The following TMEM127 variants were observed in gnomAD, a reference collection of about 807,000 sequenced individuals.
The protein encoded by TMEM127 is transmembrane protein 127.
TMEM127 carries 21 observed loss-of-function variants against 20.1 expected under a neutral mutation model. The ratio of observed to expected loss-of-function variants is 1.04; its 90% CI spans 0.74 to 1.50. The LOEUF is 1.50. Ranked by LOEUF, TMEM127 falls within the 40% of genes most tolerant of loss-of-function variation. TMEM127 has a pLI of 0.00. For missense variants in TMEM127, 303 were observed against 317.4 expected (o/e 0.95, Z 0.34); for synonymous variants, 150 against 144.7 (o/e 1.04, Z -0.26).
At chr2:96,263,015 T>C (rs938695527) in intron 2 of TMEM127, among the ~76,000 whole-genome samples, 4 of 151,346 alleles carry the variant, frequency 2.6e-5, no homozygotes, top group African/African-American at 9.7e-5. Flanking sequence ...TAAATACACA[T>C]GTGAACAAAG....
rs1450731773 is a variant in TMEM127, at chr2:96,252,636, GAC to G, written c.*1170_*1171del. On this transcript the variant is annotated 3_prime_UTR_variant, in exon 4 of 4. Coordinates refer to ENST00000258439, the MANE Select transcript of TMEM127 (RefSeq NM_017849.4). The surrounding 1 kb of genome is among the most constrained non-coding windows in gnomAD (Gnocchi z 4.2). ...AGGACACAGCCCGGCCTGCTGGGCT[GAC>G]AGTGTGGGTCTGATGCCTCACATGA... 4.3e-6 allele frequency: 1 copy of G among 233,818 alleles called. No individual in the cohort carries two copies. The highest frequency in any genetic ancestry group is 2.2e-5 in the African/African-American group (1 of 45,360). 14.5% of individuals were successfully genotyped at this position (233,818 alleles called of 1,614,324 possible).
At chr2:96,265,570 G>T in intron 1 of TMEM127, 58 bp from the exon 2 acceptor site, 1 of 671,170 alleles carries the variant, frequency 1.5e-6, no homozygotes, top group Non-Finnish European at 2.1e-6. Flanking sequence ...CGGAGACGGG[G>T]AGGGCTGCGG....
At position 96,250,665 on chromosome 2, in the gene TMEM127, T is replaced by G; in HGVS notation, c.*3143A>C. The G allele has an allele frequency of 4.3e-6, 1 of 233,102 alleles. No homozygotes were observed. Among genetic ancestry groups the G allele is most frequent in the Non-Finnish European group, 8.5e-6 (1 of 117,938 alleles). The allele number at this position is 233,102 out of a possible 1,614,324, so 14.4% of individuals were successfully genotyped here. On this transcript the variant is annotated 3_prime_UTR_variant, in exon 4 of 4. Coordinates refer to ENST00000258439, the MANE Select transcript of TMEM127 (RefSeq NM_017849.4). Reference sequence around the variant, plus strand: ...AGAGCCCTCAGCTCTTTTACCGTGATGCACACTCGGGGCTGGGTGTAGGCT... The same window carrying G: ...AGAGCCCTCAGCTCTTTTACCGTGAGGCACACTCGGGGCTGGGTGTAGGCT...
In TMEM127 at chr2:96,254,902, C is replaced by A. The variant is rs1684170746; in HGVS notation, c.340G>T (p.Asp114Tyr). The A allele has an allele frequency of 1.9e-6, 3 of 1,614,034 alleles. No homozygotes were observed. The highest frequency in any genetic ancestry group is 2.5e-6 in the Non-Finnish European group (3 of 1,179,978). The change falls in exon 3 of 4, where the codon GAT becomes TAT. Residue 114 changes from aspartate (D) to tyrosine (Y), a missense_variant. By Grantham distance (160) the Asp-to-Tyr change is radical (BLOSUM62 -3). Transcript: ENST00000258439. ...GCAGGATGCTTCGGCCCAAAGACAT[C>A]CAGAAGGAAAGCGGAGAGACTACAC... ...ILCSLSAFLL[D>Y]VFGPKHPALK...
At chr2:96,257,331 G>A (rs1255195708) in intron 2 of TMEM127, among the ~76,000 whole-genome samples, 4 of 151,898 alleles carry the variant, frequency 2.6e-5, no homozygotes, top group Admixed American at 6.6e-5. Context: ...CCGTGGTGGC[G>A]CGCGCCTGTA....
At chr2:96,255,891 G>A (rs1377821469) in intron 2 of TMEM127, among the ~76,000 whole-genome samples, 2 of 151,938 alleles carry the variant, frequency 1.3e-5, no homozygotes, top group Admixed American at 6.6e-5. Flanking sequence ...GAGGCAAGAG[G>A]ACTGCTTGCG....
Position 96,253,638 on chromosome 2 carries a change from A to C in TMEM127, c.*170T>G. 1.4e-6 allele frequency: 1 copy of C among 692,520 alleles called. No individual in the cohort carries two copies. The highest frequency in any genetic ancestry group is 2.4e-6 in the Non-Finnish European group (1 of 420,982). The allele number at this position is 692,520 out of a possible 1,614,324, so 42.9% of individuals were successfully genotyped here. On this transcript the variant is annotated 3_prime_UTR_variant, in exon 4 of 4. Transcript: ENST00000258439. This position sits in a 1 kb window ranked among gnomAD's most constrained non-coding sequence, Gnocchi z 4.3. The stretch of plus-strand genomic sequence containing the variant: ...AAACCAGTGGACCTCCGGTTCTGAG[A>C]GCAGGGATACTTGGATGACCCTAAA...
intron 2 of TMEM127, among the ~76,000 whole-genome samples, chr2:96,264,191 A>G (rs1684366859): frequency 1.3e-5 from 2 of 152,306 alleles, no homozygotes; most frequent in South Asian, 4.2e-4. Flanking sequence ...CACAGCGGGG[A>G]ACTTGGACCT....
chr2:96,264,311 G>A (rs1684369174), intron 2 of TMEM127, among the ~76,000 whole-genome samples: 1 of 152,166 alleles, frequency 6.6e-6, no homozygotes, highest in African/African-American at 2.4e-5. Flanking sequence ...TCACAGCCAG[G>A]GAATAGCACA....
At chr2:96,264,108 G>A (rs910368213) in intron 2 of TMEM127, among the ~76,000 whole-genome samples, 1 of 152,212 alleles carries the variant, frequency 6.6e-6, no homozygotes, top group South Asian at 2.1e-4. Flanking sequence ...AGAACACTCA[G>A]AGAAAGGCAA....
In TMEM127 at chr2:96,248,917, C is replaced by A. The variant is rs931733776; in HGVS notation, c.*4891G>T. On this transcript the variant is annotated 3_prime_UTR_variant, in exon 4 of 4. Coordinates refer to ENST00000258439, the MANE Select transcript of TMEM127 (RefSeq NM_017849.4). ...CCCTCATCTTGTACATCTTATGAAG[C>A]CCCTTACCACCCACTGTGTTGCTGT... The A allele has an allele frequency of 3.0e-5, 7 of 232,422 alleles. No homozygotes were observed. In the Admixed American group the frequency reaches 3.4e-4, roughly 11 times the overall value. The allele number at this position is 232,422 out of a possible 1,614,324, so 14.4% of individuals were successfully genotyped here.
rs377740271 is a variant in TMEM127, at chr2:96,265,329, G to A, written c.53C>T (p.Pro18Leu). 2.7e-4 allele frequency: 415 copies of A among 1,520,940 alleles called. 2 individuals carry two copies. In the East Asian group the frequency reaches 6.6e-3, roughly 24 times the overall value. The allele number at this position is 1,520,940 out of a possible 1,614,324, so 94.2% of individuals were successfully genotyped here. A position where few individuals can be genotyped will look rare whatever the true frequency, so the allele number is the denominator to read the frequency against. The change falls in exon 2 of 4, where the codon CCG becomes CTG. Residue 18 changes from proline (P) to leucine (L), a missense_variant. Pro to Leu is a moderately conservative substitution (Grantham distance 98). Transcript: ENST00000258439. ...CTGCTTGGGCAGAGCGCTGCCTCCC[G>A]GGCTCCTCCGCCGGCGCCCGCCGGG... ...GLPGGRRRRS[P>L]GGSALPKQPE...
chr2:96,264,502 G>T (rs1446461009), intron 2 of TMEM127, among the ~76,000 whole-genome samples: 1 of 152,184 alleles, frequency 6.6e-6, no homozygotes, highest in Non-Finnish European at 1.5e-5. Context: ...ACAAGAATGG[G>T]CAGGATAAAC....
rs764012422 is a variant in TMEM127 at position 96,253,969 on chromosome 2, C to G, written c.556G>C (p.Ala186Pro). The change falls in exon 4 of 4, where the codon GCC (alanine) becomes CCC (proline). Residue 186 changes from alanine to proline, a missense_variant. Ala to Pro is a conservative substitution (Grantham distance 27). Coordinates refer to ENST00000258439, the MANE Select transcript of TMEM127 (RefSeq NM_017849.4). This position sits in a 1 kb window ranked among gnomAD's most constrained non-coding sequence, Gnocchi z 4.3. ...TTGGCTGCCGTGGCCAGGATTGAGG[C>G]TCCACCAGCTCCTGCCACCAGGTAG... ...SFYLVAGAGG[A>P]SILATAANLL... 1 of 1,614,044 alleles carries G rather than the reference C, an allele frequency of 6.2e-7. No homozygotes were observed. Among genetic ancestry groups the G allele is most frequent in the Non-Finnish European group, 8.5e-7 (1 of 1,180,028 alleles).
rs1684082484 is a variant in TMEM127, at chr2:96,251,299, C to A, written c.*2509G>T. 4 of 198,878 alleles carry A rather than the reference C, an allele frequency of 2.0e-5. No homozygotes were observed. In the South Asian group the frequency reaches 7.6e-4, roughly 38 times the overall value. 12.3% of individuals were successfully genotyped at this position (198,878 alleles called of 1,614,324 possible). A position where few individuals can be genotyped will look rare whatever the true frequency, so the allele number is the denominator to read the frequency against. On this transcript the variant is annotated 3_prime_UTR_variant, in exon 4 of 4. Coordinates refer to ENST00000258439, the MANE Select transcript of TMEM127 (RefSeq NM_017849.4). The stretch of plus-strand genomic sequence containing the variant: ...TTGGGAGGCCAAGGTGGGTGGATAA[C>A]CTGAGGTTAGGAGTTCCAGACCAGC...
chr2:96,257,447 C>A (rs1215359499), intron 2 of TMEM127, among the ~76,000 whole-genome samples: 4 of 151,596 alleles, frequency 2.6e-5, no homozygotes, highest in Admixed American at 1.3e-4. Context: ...GGCGACAGAG[C>A]GAGACTCCAT....
intron 2 of TMEM127, among the ~76,000 whole-genome samples, chr2:96,257,963 A>G (rs1241185337): frequency 6.6e-6 from 1 of 152,164 alleles, no homozygotes; most frequent in Non-Finnish European, 1.5e-5. Context: ...CTTCTGTTAC[A>G]GCCACTGGCA....
rs1210161634 is a variant in TMEM127, at chr2:96,254,949, G to T, written c.293C>A (p.Ala98Asp). 4 of 1,614,238 alleles carry T rather than the reference G, an allele frequency of 2.5e-6. No homozygotes were observed. The highest frequency in any genetic ancestry group is 3.4e-6 in the Non-Finnish European group (4 of 1,180,044). The change falls in exon 3 of 4, where the codon GCC becomes GAC. Residue 98 changes from alanine (A) to aspartate (D), a missense_variant. Ala to Asp is a moderately radical substitution (Grantham distance 126). Coordinates refer to ENST00000258439, the MANE Select transcript of TMEM127 (RefSeq NM_017849.4). ...ACACAGGATGCCCAGGAAACAGAAG[G>T]CGGCGATGACCCGCAGGAGCAGCAC... The part of the protein sequence containing the change: ...QTVLLLRVIA[A>D]FCFLGILCSL...
chr2:96,250,122 CCTA>C lies in TMEM127; in HGVS notation c.*3683_*3685del, dbSNP rs1471197614. The C allele has an allele frequency of 8.6e-6, 2 of 233,306 alleles. No homozygotes were observed. The highest frequency in any genetic ancestry group is 4.4e-5 in the African/African-American group (2 of 45,342). 14.5% of individuals were successfully genotyped at this position (233,306 alleles called of 1,614,324 possible). A position where few individuals can be genotyped will look rare whatever the true frequency, so the allele number is the denominator to read the frequency against. ...TCACTTAAGGCCAGGCAGAACCCTT[CCTA>C]CTGTCACCAGTCATTAAAATAAGGT... is the stretch of plus-strand genomic sequence containing the variant. On this transcript the variant is annotated 3_prime_UTR_variant, in exon 4 of 4. Transcript: ENST00000258439.
Sources: allele counts gnomAD v4.1 joint callset (sites outside exome capture counted in the v4.1 genomes callset), GRCh38; gene constraint gnomAD v4.1.1; non-coding constraint Gnocchi (gnomAD v3.1); transcripts MANE v1.5; gene names NCBI Gene and HGNC (gene_info 2026-07-23, HGNC 2026-07-21).